PRKCE: variants seen among roughly 807,000 people sequenced by gnomAD.
PRKCE encodes the protein protein kinase C epsilon.
Under a neutral mutation model 85.4 loss-of-function variants are expected in PRKCE, and 16 were observed. That is an observed-to-expected ratio of 0.19 (90% confidence interval 0.13 to 0.28). The LOEUF is 0.28. Among genes scored for constraint, PRKCE ranks in the 10% least tolerant of loss-of-function variants. PRKCE has a pLI of 1.00. For synonymous variants in PRKCE, 388 were observed against 371.5 expected, an observed-to-expected ratio of 1.04 and a Z score of -0.51; for missense variants, 573 against 975.2, an observed-to-expected ratio of 0.59 and a Z score of 5.49.
intron 1 of PRKCE, among the ~76,000 whole-genome samples, chr2:45,712,822 A>C (rs1010763460): frequency 6.6e-6 from 1 of 152,078 alleles, no homozygotes; most frequent in South Asian, 2.1e-4. Context: ...GGAGATGTTC[A>C]ACTCCTCCAG....
intron 6 of PRKCE, among the ~76,000 whole-genome samples, chr2:45,992,329 G>T (rs551840836): frequency 1.3e-5 from 2 of 152,156 alleles, no homozygotes; most frequent in East Asian, 1.9e-4. Flanking sequence ...ACAAGCGGCC[G>T]ATCGTGGTCC....
chr2:45,934,988 G>A (rs1398315237), intron 2 of PRKCE, among the ~76,000 whole-genome samples: 1 of 151,708 alleles, frequency 6.6e-6, no homozygotes, highest in African/African-American at 2.4e-5. Context: ...TTGATCGTGG[G>A]AGGTTGAGGC....
intron 2 of PRKCE, among the ~76,000 whole-genome samples, chr2:45,958,609 C>A (rs1219298717): frequency 1.3e-5 from 2 of 150,076 alleles, no homozygotes; most frequent in East Asian, 3.9e-4. Context: ...ATGTCCTGGC[C>A]TCTCACACAC....
rs1450737572 is a variant in PRKCE at position 45,923,801 on chromosome 2, G to C, written c.413-52628G>C. Among the ~76,000 whole-genome samples, 15 of 152,050 alleles carry C rather than the reference G, an allele frequency of 9.9e-5. No individual in the cohort carries two copies. In the East Asian group the frequency reaches 2.9e-3, roughly 29 times the overall value. On this transcript the variant is annotated intron_variant, in intron 2 of 14. Coordinates refer to ENST00000306156, the MANE Select transcript of PRKCE (RefSeq NM_005400.3). ...CACCTTGGAGGGTGGCTTTCTAGGA[G>C]CAGAGGGAAGGAGGGAGGAAACTCG...
intron 1 of PRKCE, among the ~76,000 whole-genome samples, chr2:45,657,976 T>G (rs1675456072): frequency 6.6e-6 from 1 of 152,246 alleles, no homozygotes; most frequent in East Asian, 1.9e-4. Flanking sequence ...AATGGCAGCC[T>G]GACCGCACTT....
chr2:45,754,084 G>A (rs557416812), intron 1 of PRKCE, among the ~76,000 whole-genome samples: 25 of 152,296 alleles, frequency 1.6e-4, no homozygotes, highest in Non-Finnish European at 2.9e-4. Flanking sequence ...TTTTGTAGGC[G>A]TAGGGGGATC....
In PRKCE at chr2:46,187,053, C is replaced by G. The variant is rs917922795; in HGVS notation, c.*2172C>G. 6.6e-6 allele frequency: 1 copy of G among 152,634 alleles called. No individual in the cohort carries two copies. Among genetic ancestry groups the G allele is most frequent in the South Asian group, 2.1e-4 (1 of 4,836 alleles). The allele number at this position is 152,634 out of a possible 1,614,324, so 9.5% of individuals were successfully genotyped here. A position where few individuals can be genotyped will look rare whatever the true frequency, so the allele number is the denominator to read the frequency against. On this transcript the variant is annotated 3_prime_UTR_variant, in exon 15 of 15. Transcript: ENST00000306156. The stretch of plus-strand genomic sequence containing the variant: ...GAGTACAAGCACAGAAACATCTTTA[C>G]GGTGGCATCATCTCATTTTTTAGGA...
intron 1 of PRKCE, among the ~76,000 whole-genome samples, chr2:45,815,530 C>T (rs1688974530): frequency 6.6e-6 from 1 of 152,194 alleles, no homozygotes; most frequent in African/African-American, 2.4e-5. Flanking sequence ...CCTCGGTCCC[C>T]TCCATTAGAT....
chr2:46,015,781 C>T lies in PRKCE; in HGVS notation c.1437+5264C>T, dbSNP rs552435923. ...ACAGCTATGTCAGATTAAATCTAAACGAGCTGACAGAGCCGTTGAGGATGG... is the reference window on the plus strand; with the variant it reads ...ACAGCTATGTCAGATTAAATCTAAATGAGCTGACAGAGCCGTTGAGGATGG... On this transcript the variant is annotated intron_variant, in intron 10 of 14. Transcript: ENST00000306156. Among the ~76,000 whole-genome samples the T allele has an allele frequency of 6.0e-5, 9 of 148,856 alleles. No homozygotes were observed. In the South Asian group the frequency reaches 6.4e-4, roughly 11 times the overall value.
At position 46,185,137 on chromosome 2, in the gene PRKCE, G is replaced by A. The variant is rs748941430; in HGVS notation, c.*256G>A. 61 of 442,188 alleles carry A rather than the reference G, an allele frequency of 1.4e-4. No homozygotes were observed. Among genetic ancestry groups the A allele is most frequent in the Non-Finnish European group, 8.0e-6 (2 of 249,930 alleles). 27.4% of individuals were successfully genotyped at this position (442,188 alleles called of 1,614,324 possible). On this transcript the variant is annotated 3_prime_UTR_variant, in exon 15 of 15. Coordinates refer to ENST00000306156, the MANE Select transcript of PRKCE (RefSeq NM_005400.3). The surrounding 1 kb of genome is among the most constrained non-coding windows in gnomAD (Gnocchi z 4.7). ...TCAGCAATTAGCTGTATACACTGCCGTGTTTGGACCATTGGCAAGCCTGGT... is the reference window on the plus strand; with the variant it reads ...TCAGCAATTAGCTGTATACACTGCCATGTTTGGACCATTGGCAAGCCTGGT...
chr2:45,863,298 G>A lies in PRKCE; in HGVS notation c.412+20235G>A, dbSNP rs529939230. Reference sequence around the variant, plus strand: ...TGTTGCCTATATAATGTAGCCCTTGGTATCTCCTACATAAAGGTAGGAAAA... The same window carrying A: ...TGTTGCCTATATAATGTAGCCCTTGATATCTCCTACATAAAGGTAGGAAAA... On this transcript the variant is annotated intron_variant, in intron 2 of 14. Transcript: ENST00000306156. 5.9e-5 allele frequency among the ~76,000 whole-genome samples: 9 copies of A among 152,202 alleles called. 1 individual carries two copies. Among genetic ancestry groups the A allele is most frequent in the Admixed American group, 2.0e-4 (3 of 15,290 alleles).
chr2:46,105,088 T>G (rs1200577648), intron 11 of PRKCE, among the ~76,000 whole-genome samples: 1 of 152,126 alleles, frequency 6.6e-6, no homozygotes, highest in East Asian at 1.9e-4. Context: ...TGTCTGTTCT[T>G]CTCAATGATT....
At chr2:45,912,405 A>G (rs1456901313) in intron 2 of PRKCE, among the ~76,000 whole-genome samples, 3 of 152,164 alleles carry the variant, frequency 2.0e-5, no homozygotes, top group Admixed American at 1.3e-4. Context: ...AGAAAAGCAC[A>G]CGTTGCCATC....
At chr2:46,063,584 T>A (rs1469525686) in intron 10 of PRKCE, among the ~76,000 whole-genome samples, 1 of 152,188 alleles carries the variant, frequency 6.6e-6, no homozygotes, top group Non-Finnish European at 1.5e-5. Flanking sequence ...AAAAAGCTAT[T>A]TGAGGCTCTG....
chr2:45,797,939 C>G (rs1238954629), intron 1 of PRKCE, among the ~76,000 whole-genome samples: 1 of 152,170 alleles, frequency 6.6e-6, no homozygotes, highest in Non-Finnish European at 1.5e-5. Flanking sequence ...ACAAAACAGG[C>G]GCTGGGCTTA....
At chr2:46,136,181 G>A (rs1007516414) in intron 11 of PRKCE, among the ~76,000 whole-genome samples, 4 of 152,148 alleles carry the variant, frequency 2.6e-5, no homozygotes, top group African/African-American at 9.7e-5. Context: ...TCAGGCCTGA[G>A]CTTTGTGGAA....
intron 1 of PRKCE, among the ~76,000 whole-genome samples, chr2:45,699,286 C>T (rs74876799): frequency 0.023 from 3,533 of 152,224 alleles, 122 homozygotes; most frequent in African/African-American, 0.08. Context: ...ACTGACCCCA[C>T]TGCCTTCTTG....
chr2:45,925,452 C>T (rs551799116), intron 2 of PRKCE, among the ~76,000 whole-genome samples: 27 of 152,236 alleles, frequency 1.8e-4, no homozygotes, highest in East Asian at 9.7e-4. Context: ...ACCACCACCA[C>T]GCCCAGCTAA....
intron 2 of PRKCE, among the ~76,000 whole-genome samples, chr2:45,916,283 A>G (rs1406049982): frequency 6.8e-6 from 1 of 147,696 alleles, no homozygotes; most frequent in African/African-American, 2.5e-5. Flanking sequence ...TCTATCATGC[A>G]GGCTGGAGTG....
Sources: allele counts gnomAD v4.1 joint callset (sites outside exome capture counted in the v4.1 genomes callset), GRCh38; gene constraint gnomAD v4.1.1; non-coding constraint Gnocchi (gnomAD v3.1); transcripts MANE v1.5; gene names NCBI Gene and HGNC (gene_info 2026-07-23, HGNC 2026-07-21).